The following PARD3B variants were observed in gnomAD, a reference collection of about 807,000 sequenced individuals.
The protein encoded by PARD3B is partitioning defective 3 homolog B.
A neutral mutation model predicts 130.2 loss-of-function variants in PARD3B; 103 were observed. That is an observed-to-expected ratio of 0.79 (90% CI 0.67 to 0.93). The LOEUF (loss-of-function observed/expected upper bound fraction) is 0.93, where lower values mean the gene tolerates loss of function less well. PARD3B is among the 40% of genes least tolerant of loss of function. The probability of loss-of-function intolerance (pLI) is 0.00; values close to 1 mark genes in which losing one functional copy is unlikely to be tolerated. For missense variants in PARD3B, 1,609 were observed against 1,499.2 expected (o/e 1.07, Z -1.21); for synonymous variants, 583 against 553.2 (o/e 1.05, Z -0.76).
intron 2 of PARD3B, among the ~76,000 whole-genome samples, chr2:204,701,738 T>G (rs2037903647): frequency 6.6e-6 from 1 of 152,172 alleles, no homozygotes; most frequent in Non-Finnish European, 1.5e-5. Flanking sequence ...TTTATTATTT[T>G]TTTTTTCTTT....
chr2:204,949,012 A>G (rs369182533), intron 2 of PARD3B, among the ~76,000 whole-genome samples: 8 of 152,208 alleles, frequency 5.3e-5, no homozygotes, highest in African/African-American at 7.2e-5. Context: ...ATTTCCAGTC[A>G]TGAAACTTGC....
intron 15 of PARD3B, among the ~76,000 whole-genome samples, chr2:205,231,511 T>A (rs1321238928): frequency 6.6e-6 from 1 of 151,080 alleles, no homozygotes; most frequent in Non-Finnish European, 1.5e-5. Flanking sequence ...ATTTTTTTTT[T>A]TTTTTTGTAG....
Position 205,564,999 on chromosome 2 carries a change from C to A in PARD3B, c.3260+11596C>A, listed in dbSNP as rs2053270588. 6.6e-6 allele frequency among the ~76,000 whole-genome samples: 1 copy of A among 152,172 alleles called. No individual in the cohort carries two copies. The highest frequency in any genetic ancestry group is 6.5e-5 in the Admixed American group (1 of 15,274). ...AATGACATGTTAAATAGGTAGGAAC[C>A]TGGCAATTCTCACGCGCCATTCTCC... On this transcript the variant is annotated intron_variant, in intron 22 of 22. Coordinates refer to ENST00000406610, the MANE Select transcript of PARD3B (RefSeq NM_001302769.2). The surrounding 1 kb of genome is among the most constrained non-coding windows in gnomAD (Gnocchi z 4.6).
At chr2:204,835,096 T>C (rs2043979078) in intron 2 of PARD3B, among the ~76,000 whole-genome samples, 1 of 152,214 alleles carries the variant, frequency 6.6e-6, no homozygotes, top group South Asian at 2.1e-4. Flanking sequence ...AGGAAAGCTC[T>C]TGGAGAACTG....
In PARD3B at chr2:205,572,973, A is replaced by G. The variant is rs372388421; in HGVS notation, c.3260+19570A>G. On this transcript the variant is annotated intron_variant, in intron 22 of 22. Transcript: ENST00000406610. This position sits in a 1 kb window ranked among gnomAD's most constrained non-coding sequence, Gnocchi z 4.2. Reference sequence around the variant, plus strand: ...TGGCTAGGGAGGCCTCAGGAAACTTACAGTCATGGTAGAGGGGAAGCAAAC... The same window carrying G: ...TGGCTAGGGAGGCCTCAGGAAACTTGCAGTCATGGTAGAGGGGAAGCAAAC... Among the ~76,000 whole-genome samples the G allele has an allele frequency of 3.5e-4, 54 of 152,308 alleles. No individual in the cohort carries two copies. Among genetic ancestry groups the G allele is most frequent in the African/African-American group, 1.3e-3 (53 of 41,576 alleles).
At chr2:204,850,196 G>A (rs1030090723) in intron 2 of PARD3B, among the ~76,000 whole-genome samples, 1 of 152,084 alleles carries the variant, frequency 6.6e-6, no homozygotes, top group Non-Finnish European at 1.5e-5. Context: ...TTTGTTTCAT[G>A]GAAAACAGTA....
At chr2:205,124,110 G>T (rs1023509882) in intron 8 of PARD3B, among the ~76,000 whole-genome samples, 1 of 152,194 alleles carries the variant, frequency 6.6e-6, no homozygotes, top group Admixed American at 6.5e-5. Context: ...TACACATCTG[G>T]ATTGGGCCCT....
intron 16 of PARD3B, among the ~76,000 whole-genome samples, chr2:205,255,340 A>G (rs998274218): frequency 7.2e-5 from 11 of 152,166 alleles, no homozygotes; most frequent in African/African-American, 2.7e-4. Context: ...ATTCTCACAC[A>G]TACAACACAG....
chr2:205,479,425 G>T (rs1225707167), intron 20 of PARD3B, among the ~76,000 whole-genome samples: 1 of 152,138 alleles, frequency 6.6e-6, no homozygotes, highest in African/African-American at 2.4e-5. Context: ...ACTAGACAAA[G>T]ACTCAAAATG....
intron 4 of PARD3B, among the ~76,000 whole-genome samples, chr2:205,075,210 C>T (rs888924197): frequency 1.3e-5 from 2 of 152,128 alleles, no homozygotes; most frequent in African/African-American, 4.8e-5. Flanking sequence ...AGGTATTTCA[C>T]ATCAGATTTC....
intron 2 of PARD3B, among the ~76,000 whole-genome samples, chr2:204,875,150 A>G (rs1305930453): frequency 6.6e-6 from 1 of 152,218 alleles, no homozygotes; most frequent in African/African-American, 2.4e-5. Flanking sequence ...TATACAATTC[A>G]GTGGTTTCTG....
intron 21 of PARD3B, among the ~76,000 whole-genome samples, chr2:205,549,349 G>A (rs190251585): frequency 1.1e-3 from 173 of 152,204 alleles, no homozygotes; most frequent in African/African-American, 3.9e-3. Flanking sequence ...AAATGTTTAC[G>A]TCTTTATTCA....
rs1388175150 is a variant in PARD3B at position 205,229,624 on chromosome 2, G to A, written c.2141-16154G>A. ...TGGGGTCAGACCTGAAGGCAGCACAGCACTGGGTCTCTCCCTAGGCTCACA... is the reference window on the plus strand; with the variant it reads ...TGGGGTCAGACCTGAAGGCAGCACAACACTGGGTCTCTCCCTAGGCTCACA... On this transcript the variant is annotated intron_variant, in intron 15 of 22. Coordinates refer to ENST00000406610, the MANE Select transcript of PARD3B (RefSeq NM_001302769.2). The surrounding 1 kb of genome is among the most constrained non-coding windows in gnomAD (Gnocchi z 5.2). Among the ~76,000 whole-genome samples the A allele has an allele frequency of 6.6e-6, 1 of 152,106 alleles. No homozygotes were observed. Among genetic ancestry groups the A allele is most frequent in the East Asian group, 1.9e-4 (1 of 5,142 alleles).
chr2:205,031,033 A>G (rs1237779557), intron 3 of PARD3B, among the ~76,000 whole-genome samples: 1 of 152,164 alleles, frequency 6.6e-6, no homozygotes, highest in African/African-American at 2.4e-5. Flanking sequence ...AGGTCTGTGG[A>G]CATGAGCATC....
intron 3 of PARD3B, among the ~76,000 whole-genome samples, chr2:204,969,316 T>C (rs1212306269): frequency 2.0e-5 from 3 of 152,220 alleles, no homozygotes; most frequent in Non-Finnish European, 2.9e-5. Flanking sequence ...AAGTTCTAGA[T>C]GCTATTTAAA....
intron 2 of PARD3B, among the ~76,000 whole-genome samples, chr2:204,727,727 G>A (rs1384335310): frequency 1.3e-5 from 2 of 152,140 alleles, no homozygotes; most frequent in African/African-American, 4.8e-5. Flanking sequence ...ACTTGTGAAA[G>A]GAGAAACAGA....
intron 4 of PARD3B, among the ~76,000 whole-genome samples, chr2:205,063,727 A>G (rs1185333808): frequency 6.6e-6 from 1 of 152,220 alleles, no homozygotes; most frequent in Non-Finnish European, 1.5e-5. Flanking sequence ...CAAATTGTTT[A>G]GTTGTAAAGC....
chr2:205,489,430 T>C (rs2049580239), intron 20 of PARD3B, among the ~76,000 whole-genome samples: 1 of 151,126 alleles, frequency 6.6e-6, no homozygotes, highest in Non-Finnish European at 1.5e-5. Context: ...TCAGCTATTA[T>C]CACACCATGT....
intron 2 of PARD3B, among the ~76,000 whole-genome samples, chr2:204,838,180 G>A (rs748466655): frequency 2.9e-5 from 4 of 138,696 alleles, no homozygotes; most frequent in South Asian, 2.1e-4. Context: ...TTTTGTTTTC[G>A]TTATTATTAT....
Sources: gnomAD v4.1 joint callset for allele counts (sites outside exome capture counted in the v4.1 genomes callset) on GRCh38, gnomAD v4.1.1 for gene constraint, Gnocchi (gnomAD v3.1) non-coding constraint, MANE v1.5 for transcripts, NCBI Gene and HGNC (gene_info 2026-07-23, HGNC 2026-07-21) for gene names.